Variants in NPAP1 observed in about 807,000 individuals in gnomAD.
NPAP1 encodes nuclear pore associated protein 1.
For synonymous variants in NPAP1, 616 were observed against 581.4 expected (o/e 1.06, Z -0.86); for missense variants, 1,483 against 1,454.5 (o/e 1.02, Z -0.32).
Position 24,679,065 on chromosome 15 carries a change from GGCT to G in NPAP1, c.3204_3206del (p.Ala1069del). 6.2e-7 allele frequency: 1 copy of G among 1,614,198 alleles called. No homozygotes were observed. Among genetic ancestry groups the G allele is most frequent in the Non-Finnish European group, 8.5e-7 (1 of 1,180,046 alleles). On this transcript the variant is annotated inframe_deletion, in exon 1 of 1. Transcript: ENST00000329468. The stretch of plus-strand genomic sequence containing the variant: ...CCTGGGACCCAACTGGCCACAGCAT[GGCT>G]GCTGCACCACAAGGGGCTAGCAACA...
chr15:24,678,731 T>C lies in NPAP1; in HGVS notation c.2864T>C (p.Leu955Ser). 6 of 1,614,220 alleles carry C rather than the reference T, an allele frequency of 3.7e-6. No individual in the cohort carries two copies. Among genetic ancestry groups the C allele is most frequent in the Non-Finnish European group, 5.1e-6 (6 of 1,180,046 alleles). ...GAGTTAACATCACCATATACTGCAT[T>C]GGGCACACCTGTTAATGCTGAGCCA... ...FAELTSPYTA[L>S]GTPVNAEPVE... Residue 955 changes from leucine (L) to serine (S), a missense_variant, in exon 1 of 1, where the codon TTG becomes TCG. Transcript: ENST00000329468.
chr15:24,682,755 T>A lies in NPAP1; in HGVS notation c.*3417T>A, dbSNP rs368371620. On this transcript the variant is annotated 3_prime_UTR_variant, in exon 1 of 1. Coordinates refer to ENST00000329468, the MANE Select transcript of NPAP1 (RefSeq NM_018958.3). ...GAACTCTTTTCCCATAAAAAAAAAA[T>A]GTTTTTGGTTTCTAGAATTTTCAAA... The A allele has an allele frequency of 6.0e-6, 1 of 166,812 alleles. No homozygotes were observed. The highest frequency in any genetic ancestry group is 2.4e-5 in the African/African-American group (1 of 41,382). 10.3% of individuals were successfully genotyped at this position (166,812 alleles called of 1,614,324 possible). A position where few individuals can be genotyped will look rare whatever the true frequency, so the allele number is the denominator to read the frequency against.
In NPAP1 at chr15:24,678,210, G is replaced by A. The variant is rs753390163; in HGVS notation, c.2343G>A (p.Gln781=). 1 of 1,612,830 alleles carries A rather than the reference G, an allele frequency of 6.2e-7. No individual in the cohort carries two copies. The highest frequency in any genetic ancestry group is 2.2e-5 in the East Asian group (1 of 44,732). Residue 781 remains glutamine (Q), a synonymous_variant, in exon 1 of 1, where the codon CAG becomes CAA. Transcript: ENST00000329468. ...QPKFGAPDGP[Q]QKTSLPSAHD... ...AATTTGGGGCCCCTGATGGGCCGCAGCAGAAAACCTCTCTCCCCAGTGCCC... is the reference window on the plus strand; with the variant it reads ...AATTTGGGGCCCCTGATGGGCCGCAACAGAAAACCTCTCTCCCCAGTGCCC...
Position 24,675,783 on chromosome 15 carries a change from C to A in NPAP1, c.-85C>A. On this transcript the variant is annotated 5_prime_UTR_variant, in exon 1 of 1. Coordinates refer to ENST00000329468, the MANE Select transcript of NPAP1 (RefSeq NM_018958.3). The stretch of plus-strand genomic sequence containing the variant: ...CAGGCGTAGAGCCAGTCAGTTTGTG[C>A]TTGGTCGCCAGAGGAGGCGGTGGCT... 1 of 1,009,404 alleles carries A rather than the reference C, an allele frequency of 9.9e-7. No individual in the cohort carries two copies. The highest frequency in any genetic ancestry group is 1.4e-6 in the Non-Finnish European group (1 of 722,190). 62.5% of individuals were successfully genotyped at this position (1,009,404 alleles called of 1,614,324 possible). A position where few individuals can be genotyped will look rare whatever the true frequency, so the allele number is the denominator to read the frequency against.
Position 24,675,789 on chromosome 15 carries a change from C to G in NPAP1, c.-79C>G. The G allele has an allele frequency of 9.4e-7, 1 of 1,059,144 alleles. No homozygotes were observed. The highest frequency in any genetic ancestry group is 1.3e-6 in the Non-Finnish European group (1 of 766,446). The allele number at this position is 1,059,144 out of a possible 1,614,324, so 65.6% of individuals were successfully genotyped here. ...TAGAGCCAGTCAGTTTGTGCTTGGT[C>G]GCCAGAGGAGGCGGTGGCTGAGGAG... On this transcript the variant is annotated 5_prime_UTR_variant, in exon 1 of 1. Coordinates refer to ENST00000329468, the MANE Select transcript of NPAP1 (RefSeq NM_018958.3).
rs2049010364 is a variant in NPAP1, at chr15:24,680,529, AG to A, written c.*1193del. On this transcript the variant is annotated 3_prime_UTR_variant, in exon 1 of 1. Transcript: ENST00000329468. The stretch of plus-strand genomic sequence containing the variant: ...AGGAGGAATGGGCTCAGTTCCCTCA[AG>A]GTTAAACTTAACCTGCTCTCTTCCT... 1 of 167,174 alleles carries A rather than the reference AG, an allele frequency of 6.0e-6. No homozygotes were observed. Among genetic ancestry groups the A allele is most frequent in the Non-Finnish European group, 1.5e-5 (1 of 68,204 alleles). 10.4% of individuals were successfully genotyped at this position (167,174 alleles called of 1,614,324 possible). A position where few individuals can be genotyped will look rare whatever the true frequency, so the allele number is the denominator to read the frequency against.
Position 24,676,752 on chromosome 15 carries a change from G to T in NPAP1, c.885G>T (p.Pro295=), listed in dbSNP as rs750012941. Residue 295 remains proline (P), a synonymous_variant, in exon 1 of 1, where the codon CCG becomes CCT. Transcript: ENST00000329468. ...CCAGCTCCCTAGGCTTGCCGATTCC[G>T]CTGATGTCCGGAAAGAGGATGCCTG... The part of the protein sequence containing the change: ...PPPSSLGLPI[P]LMSGKRMPDE... 1.2e-6 allele frequency: 2 copies of T among 1,613,850 alleles called. No homozygotes were observed. Among genetic ancestry groups the T allele is most frequent in the Non-Finnish European group, 1.7e-6 (2 of 1,180,026 alleles).
rs951397502 is a variant in NPAP1, at chr15:24,681,225, A to G, written c.*1887A>G. On this transcript the variant is annotated 3_prime_UTR_variant, in exon 1 of 1. Coordinates refer to ENST00000329468, the MANE Select transcript of NPAP1 (RefSeq NM_018958.3). ...TGTAATAACAGTTGACTCAAACTTC[A>G]AAAGTCTCAATGAAATCAGTACTTT... 6.0e-6 allele frequency: 1 copy of G among 167,148 alleles called. No homozygotes were observed. Among genetic ancestry groups the G allele is most frequent in the African/African-American group, 2.4e-5 (1 of 41,452 alleles). The allele number at this position is 167,148 out of a possible 1,614,324, so 10.4% of individuals were successfully genotyped here.
rs2141311579 is a variant in NPAP1 at position 24,677,994 on chromosome 15, C to T, written c.2127C>T (p.Val709=). 6.2e-7 allele frequency: 1 copy of T among 1,614,080 alleles called. No individual in the cohort carries two copies. The highest frequency in any genetic ancestry group is 8.5e-7 in the Non-Finnish European group (1 of 1,180,024). The change falls in exon 1 of 1, where the codon GTC becomes GTT. Residue 709 remains valine (V), a synonymous_variant. Transcript: ENST00000329468. The stretch of plus-strand genomic sequence containing the variant: ...ATACCACTCCTCCTTCCAAGGCTGT[C>T]ATCTTGCAGTCTGCCTCTGTCTCCA... ...AMHTTPPSKA[V]ILQSASVSKK... is the part of the protein sequence containing the mutation.
In NPAP1 at chr15:24,681,784, A is replaced by T. The variant is rs2049018502; in HGVS notation, c.*2446A>T. The T allele has an allele frequency of 6.1e-6, 1 of 164,636 alleles. No homozygotes were observed. Among genetic ancestry groups the T allele is most frequent in the African/African-American group, 2.4e-5 (1 of 40,974 alleles). 10.2% of individuals were successfully genotyped at this position (164,636 alleles called of 1,614,324 possible). A position where few individuals can be genotyped will look rare whatever the true frequency, so the allele number is the denominator to read the frequency against. ...TGACTAATAAAGATAGATAGATGAT[A>T]GATAGATACATAGATAGATGATAGA... On this transcript the variant is annotated 3_prime_UTR_variant, in exon 1 of 1. Transcript: ENST00000329468.
At position 24,679,361 on chromosome 15, in the gene NPAP1, C is replaced by A. The variant is rs370891610; in HGVS notation, c.*23C>A. Reference sequence around the variant, plus strand: ...TAAGAGCACCTGTGGTTCACCTGATCACACCACATCAGTTGTGGTTGTAAA... The same window carrying A: ...TAAGAGCACCTGTGGTTCACCTGATAACACCACATCAGTTGTGGTTGTAAA... On this transcript the variant is annotated 3_prime_UTR_variant, in exon 1 of 1. Transcript: ENST00000329468. 1 of 1,487,172 alleles carries A rather than the reference C, an allele frequency of 6.7e-7. No homozygotes were observed. 92.1% of individuals were successfully genotyped at this position (1,487,172 alleles called of 1,614,324 possible).
chr15:24,677,628 T>C lies in NPAP1; in HGVS notation c.1761T>C (p.Val587=), dbSNP rs776558762. Reference sequence around the variant, plus strand: ...ATACTACTGCCCCATCTCAGGTTGTTATTTTCACATCTTCCCTAAGCTCCA... The same window carrying C: ...ATACTACTGCCCCATCTCAGGTTGTCATTTTCACATCTTCCCTAAGCTCCA... ...NMDTTAPSQV[V]IFTSSLSSRV... is the part of the protein sequence containing the mutation. The change falls in exon 1 of 1, where the codon GTT becomes GTC. Residue 587 remains valine (V), a synonymous_variant. Coordinates refer to ENST00000329468, the MANE Select transcript of NPAP1 (RefSeq NM_018958.3). 6 of 1,614,086 alleles carry C rather than the reference T, an allele frequency of 3.7e-6. No individual in the cohort carries two copies. The highest frequency in any genetic ancestry group is 5.1e-6 in the Non-Finnish European group (6 of 1,180,044).
chr15:24,680,763 A>T lies in NPAP1; in HGVS notation c.*1425A>T, dbSNP rs1417281849. On this transcript the variant is annotated 3_prime_UTR_variant, in exon 1 of 1. Coordinates refer to ENST00000329468, the MANE Select transcript of NPAP1 (RefSeq NM_018958.3). ...CCCTACCTCTGGGCCAGTTCTCTCT[A>T]GTCATGGACAGAAAGGCAAAATTCC... The T allele has an allele frequency of 6.0e-6, 1 of 166,610 alleles. No individual in the cohort carries two copies. The highest frequency in any genetic ancestry group is 2.4e-5 in the African/African-American group (1 of 41,030). The allele number at this position is 166,610 out of a possible 1,614,324, so 10.3% of individuals were successfully genotyped here. A position where few individuals can be genotyped will look rare whatever the true frequency, so the allele number is the denominator to read the frequency against.
In NPAP1 at chr15:24,677,978, C is replaced by T. The variant is rs2141311539; in HGVS notation, c.2111C>T (p.Pro704Leu). The T allele has an allele frequency of 6.2e-7, 1 of 1,613,890 alleles. No homozygotes were observed. The highest frequency in any genetic ancestry group is 8.5e-7 in the Non-Finnish European group (1 of 1,179,986). Residue 704 changes from proline (P) to leucine (L), a missense_variant, in exon 1 of 1, where the codon CCT becomes CTT. Physicochemically the swap from Pro to Leu is moderately conservative, Grantham distance 98. Coordinates refer to ENST00000329468, the MANE Select transcript of NPAP1 (RefSeq NM_018958.3). ...PIETNAMHTT[P>L]PSKAVILQSA... ...GAAACCAATGCTATGCATACCACTC[C>T]TCCTTCCAAGGCTGTCATCTTGCAG... is the stretch of plus-strand genomic sequence containing the variant.
In NPAP1 at chr15:24,679,245, C is replaced by T. The variant is rs2049001215; in HGVS notation, c.3378C>T (p.His1126=). The T allele has an allele frequency of 6.2e-7, 1 of 1,613,976 alleles. No homozygotes were observed. Among genetic ancestry groups the T allele is most frequent in the South Asian group, 1.1e-5 (1 of 91,074 alleles). ...VPAFQQCILQ[H]TWTERKFYTS... ...CTTTTCAACAGTGCATCCTGCAGCACACATGGACAGAGAGAAAATTCTACA... is the reference window on the plus strand; with the variant it reads ...CTTTTCAACAGTGCATCCTGCAGCATACATGGACAGAGAGAAAATTCTACA... The change falls in exon 1 of 1, where the codon CAC becomes CAT. Residue 1126 remains histidine, a synonymous_variant. Transcript: ENST00000329468.
In NPAP1 at chr15:24,678,402, G is replaced by A. The variant is rs2141312551; in HGVS notation, c.2535G>A (p.Glu845=). Residue 845 remains glutamate (E), a synonymous_variant, in exon 1 of 1, where the codon GAG becomes GAA. Transcript: ENST00000329468. The stretch of plus-strand genomic sequence containing the variant: ...AGTCTACCTTTGTCTCCAGGAAGGA[G>A]GAGTACATCCGATTTTATATGGGGC... ...ILQSTFVSRK[E]EYIRFYMGLP... The A allele has an allele frequency of 6.2e-7, 1 of 1,613,898 alleles. No individual in the cohort carries two copies. The highest frequency in any genetic ancestry group is 1.1e-5 in the South Asian group (1 of 91,062).
Position 24,677,966 on chromosome 15 carries a change from T to C in NPAP1, c.2099T>C (p.Met700Thr), listed in dbSNP as rs2141311520. ...SSKPPIETNAMHTTPPSKAVI... is the reference protein window; with the variant it reads ...SSKPPIETNATHTTPPSKAVI... ...AAACCTCCCATTGAAACCAATGCTA[T>C]GCATACCACTCCTCCTTCCAAGGCT... is the stretch of plus-strand genomic sequence containing the variant. Residue 700 changes from methionine (M) to threonine (T), a missense_variant, in exon 1 of 1, where the codon ATG becomes ACG. Coordinates refer to ENST00000329468, the MANE Select transcript of NPAP1 (RefSeq NM_018958.3). 13 of 1,613,778 alleles carry C rather than the reference T, an allele frequency of 8.1e-6. No homozygotes were observed. The Middle Eastern group carries it at 2.1e-3, about 266-fold the overall frequency.
In NPAP1 at chr15:24,676,289, T is replaced by A. The variant is rs78599594; in HGVS notation, c.422T>A (p.Ile141Asn). The change falls in exon 1 of 1, where the codon ATC becomes AAC. Residue 141 changes from isoleucine to asparagine, a missense_variant. Physicochemically the swap from Ile to Asn is moderately radical, Grantham distance 149. Coordinates refer to ENST00000329468, the MANE Select transcript of NPAP1 (RefSeq NM_018958.3). ...REPAVKARKP[I>N]PATLLEETEV... ...CCGGCGGTCAAGGCCAGGAAGCCCA[T>A]CCCAGCCACTCTCCTGGAGGAGACC... is the stretch of plus-strand genomic sequence containing the variant. 2.2e-5 allele frequency: 34 copies of A among 1,515,846 alleles called. No individual in the cohort carries two copies. In the African/African-American group the frequency reaches 3.6e-4, roughly 16 times the overall value. 93.9% of individuals were successfully genotyped at this position (1,515,846 alleles called of 1,614,324 possible).
Position 24,676,757 on chromosome 15 carries a change from T to A in NPAP1, c.890T>A (p.Met297Lys), listed in dbSNP as rs755664425. Residue 297 changes from methionine (M) to lysine (K), a missense_variant, in exon 1 of 1, where the codon ATG becomes AAG. Transcript: ENST00000329468. ...PSSLGLPIPL[M>K]SGKRMPDEKP... is the part of the protein sequence containing the mutation. ...TCCCTAGGCTTGCCGATTCCGCTGA[T>A]GTCCGGAAAGAGGATGCCTGATGAG... 5.6e-6 allele frequency: 9 copies of A among 1,613,908 alleles called. No individual in the cohort carries two copies. The East Asian group carries it at 2.0e-4, about 36-fold the overall frequency.
Sources: gnomAD v4.1 joint callset for allele counts on GRCh38, gnomAD v4.1.1 for gene constraint, MANE v1.5 for transcripts, NCBI Gene and HGNC (gene_info 2026-07-23, HGNC 2026-07-21) for gene names.